The following GRM7 variants were observed in gnomAD, a reference collection of about 807,000 sequenced individuals.
GRM7 encodes the protein glutamate metabotropic receptor 7.
Under a neutral mutation model 84.5 loss-of-function variants are expected in GRM7, and 35 were observed. The observed-to-expected ratio is 0.41, with a 90% CI of 0.32 to 0.55. The LOEUF (loss-of-function observed/expected upper bound fraction) is 0.55, where lower values mean the gene tolerates loss of function less well. GRM7 is among the 20% of genes least tolerant of loss of function. The pLI is 0.19. For synonymous variants in GRM7, 487 were observed against 455.1 expected (o/e 1.07, Z -0.89); for missense variants, 1,003 against 1,194.6 (o/e 0.84, Z 2.36).
intron 1 of GRM7, among the ~76,000 whole-genome samples, chr3:7,072,965 T>C (rs1433566805): frequency 1.3e-5 from 2 of 152,180 alleles, no homozygotes; most frequent in Admixed American, 6.6e-5. Context: ...ATTGCTTTTG[T>C]GGACAATCTG....
intron 8 of GRM7, among the ~76,000 whole-genome samples, chr3:7,671,900 A>G (rs1372529771): frequency 2.6e-5 from 4 of 152,108 alleles, no homozygotes; most frequent in Non-Finnish European, 5.9e-5. Flanking sequence ...TATATCAGAC[A>G]TTCTAGTAAC....
intron 8 of GRM7, among the ~76,000 whole-genome samples, chr3:7,677,571 G>A (rs1227291889): frequency 6.6e-6 from 1 of 152,148 alleles, no homozygotes; most frequent in African/African-American, 2.4e-5. Context: ...AATATGATTA[G>A]TGAAGTTTAT....
At chr3:7,136,659 C>G (rs539891622) in intron 1 of GRM7, among the ~76,000 whole-genome samples, 1 of 152,180 alleles carries the variant, frequency 6.6e-6, no homozygotes, top group African/African-American at 2.4e-5. Context: ...TCTGGCCACA[C>G]CAACTTTGTG....
intron 1 of GRM7, among the ~76,000 whole-genome samples, chr3:7,084,679 C>T (rs1308445333): frequency 2.6e-5 from 4 of 152,078 alleles, no homozygotes; most frequent in South Asian, 2.1e-4. Flanking sequence ...CAAGTAGAGC[C>T]GTTGGGCAGG....
chr3:7,739,429 A>G (rs1702615134), intron 9 of GRM7, among the ~76,000 whole-genome samples: 1 of 152,232 alleles, frequency 6.6e-6, no homozygotes, highest in African/African-American at 2.4e-5. Context: ...ATAAGCCATC[A>G]GTAAATGCTA....
chr3:6,888,358 G>C (rs1325448545), intron 1 of GRM7, among the ~76,000 whole-genome samples: 1 of 152,090 alleles, frequency 6.6e-6, no homozygotes, highest in Non-Finnish European at 1.5e-5. Flanking sequence ...GGTTTTTATG[G>C]TTTTATGTCT....
chr3:7,491,992 A>T (rs1699535776), intron 7 of GRM7, among the ~76,000 whole-genome samples: 1 of 152,006 alleles, frequency 6.6e-6, no homozygotes. Context: ...TCTGTGGCTT[A>T]TTGATATGGT....
At chr3:7,571,582 T>C (rs1032853391) in intron 7 of GRM7, among the ~76,000 whole-genome samples, 2 of 152,178 alleles carry the variant, frequency 1.3e-5, no homozygotes, top group African/African-American at 4.8e-5. Context: ...ATTATCAGCA[T>C]TTTGATCAAA....
chr3:7,298,630 C>A, intron 2 of GRM7, 54 bp from the exon 3 acceptor site: 1 of 1,524,556 alleles, frequency 6.6e-7, no homozygotes, highest in African/African-American at 1.4e-5. Flanking sequence ...TCCTTGGCTC[C>A]TTTGACATCT....
At chr3:7,427,707 T>C (rs1482242786) in intron 5 of GRM7, among the ~76,000 whole-genome samples, 1 of 152,170 alleles carries the variant, frequency 6.6e-6, no homozygotes, top group Non-Finnish European at 1.5e-5. Flanking sequence ...CCAGTTTTAG[T>C]TGAGAAAGGT....
At chr3:6,964,420 C>T (rs974792986) in intron 1 of GRM7, among the ~76,000 whole-genome samples, 4 of 152,132 alleles carry the variant, frequency 2.6e-5, no homozygotes, top group African/African-American at 4.8e-5. Context: ...ATGAGGATTA[C>T]GCATTGTGTA....
chr3:7,670,606 C>T (rs574336592), intron 8 of GRM7, among the ~76,000 whole-genome samples: 1 of 152,252 alleles, frequency 6.6e-6, no homozygotes, highest in East Asian at 1.9e-4. Context: ...CCACTTGATT[C>T]TTCTCTTTTT....
At chr3:7,594,694 G>A (rs999502422) in intron 8 of GRM7, among the ~76,000 whole-genome samples, 7 of 152,142 alleles carry the variant, frequency 4.6e-5, no homozygotes, top group African/African-American at 1.7e-4. Context: ...GGTAACAGAG[G>A]TGAGCTGCAA....
At chr3:7,507,199 T>C (rs1700064987) in intron 7 of GRM7, among the ~76,000 whole-genome samples, 1 of 152,312 alleles carries the variant, frequency 6.6e-6, no homozygotes, top group Non-Finnish European at 1.5e-5. Flanking sequence ...ATTTTCTCTT[T>C]TGAGCCTAGA....
rs1220647468 is a variant in GRM7 at position 6,901,524 on chromosome 3, A to G, written c.519+39617A>G. On this transcript the variant is annotated intron_variant, in intron 1 of 9. Transcript: ENST00000357716. ...GAGGCAGGAGAATCGCTGGAACCCG[A>G]TAGGTGGAGGTTGCAGTGAGCCGAG... Among the ~76,000 whole-genome samples, 3 of 141,378 alleles carry G rather than the reference A, an allele frequency of 2.1e-5. No homozygotes were observed. In the East Asian group the frequency reaches 6.9e-4, roughly 33 times the overall value. The allele number at this position is 141,378 out of a possible 152,430, so 92.7% of individuals were successfully genotyped here.
chr3:7,059,857 C>G (rs1697370696), intron 1 of GRM7, among the ~76,000 whole-genome samples: 1 of 151,816 alleles, frequency 6.6e-6, no homozygotes, highest in African/African-American at 2.4e-5. Flanking sequence ...ACAGAATCTG[C>G]TAGTTCTTTC....
chr3:7,130,713 A>C (rs964470880), intron 1 of GRM7, among the ~76,000 whole-genome samples: 2 of 152,100 alleles, frequency 1.3e-5, no homozygotes, highest in African/African-American at 4.8e-5. Flanking sequence ...AGTCAACCTA[A>C]AATGCAATTA....
intron 1 of GRM7, among the ~76,000 whole-genome samples, chr3:6,969,071 GCT>G (rs963273511): frequency 6.7e-6 from 1 of 148,904 alleles, no homozygotes; most frequent in Non-Finnish European, 1.5e-5. Flanking sequence ...AAATCAGGAA[GCT>G]CTACAAACCA....
At chr3:7,663,197 G>A (rs1202390463) in intron 8 of GRM7, among the ~76,000 whole-genome samples, 2 of 152,176 alleles carry the variant, frequency 1.3e-5, no homozygotes, top group Admixed American at 1.3e-4. Flanking sequence ...GCAGAAGGGA[G>A]AGAATCAGGA....
Sources: gnomAD v4.1 joint callset for allele counts (sites outside exome capture counted in the v4.1 genomes callset) on GRCh38, gnomAD v4.1.1 for gene constraint, MANE v1.5 for transcripts, NCBI Gene and HGNC (gene_info 2026-07-23, HGNC 2026-07-21) for gene names.